The following MDM2 variants were observed in gnomAD, a reference collection of about 807,000 sequenced individuals.
MDM2 encodes MDM2 proto-oncogene, also known as E3 ubiquitin-protein ligase Mdm2.
MDM2 carries 11 observed loss-of-function variants against 64.3 expected under a neutral mutation model. The observed-to-expected ratio is 0.17, with a 90% CI of 0.11 to 0.28. The LOEUF is 0.28. Among genes scored for constraint, MDM2 ranks in the 10% least tolerant of loss-of-function variants. The pLI is 1.00. For synonymous variants in MDM2, 194 were observed against 192.9 expected (o/e 1.01, Z -0.05); for missense variants, 388 against 577.1 (o/e 0.67, Z 3.36).
intron 7 of MDM2, among the ~76,000 whole-genome samples, chr12:68,827,700 A>G (rs527238831): frequency 6.6e-6 from 1 of 152,276 alleles, no homozygotes; most frequent in Admixed American, 6.5e-5. Context: ...CCTGGAATTC[A>G]TTTTTATGTC....
At chr12:68,809,417 G>A in intron 2 of MDM2, 125 bp downstream of exon 2, 1 of 870,350 alleles carries the variant, frequency 1.1e-6, no homozygotes, top group Non-Finnish European at 1.9e-6. Context: ...AGCTTAAAGT[G>A]TGCTACCTCT....
chr12:68,811,246 T>TC (rs1198599543), intron 2 of MDM2, among the ~76,000 whole-genome samples: 7 of 152,240 alleles, frequency 4.6e-5, no homozygotes, highest in Admixed American at 2.6e-4. Context: ...TTAAAATTTT[T>TC]CTTAGTAATT....
At chr12:68,846,844 A>G (rs949659684), downstream of MDM2, 5 of 152,128 alleles carry the variant, frequency 3.3e-5, no homozygotes, top group Non-Finnish European at 5.9e-5. Flanking sequence ...CAATAAATCT[A>G]TAGAGCCTAG....
At chr12:68,810,717 T>C (rs1880809097) in intron 2 of MDM2, among the ~76,000 whole-genome samples, 1 of 152,132 alleles carries the variant, frequency 6.6e-6, no homozygotes, top group African/African-American at 2.4e-5. Flanking sequence ...CGCCTCGGCC[T>C]CCCAAAGTGC....
At position 68,844,789 on chromosome 12, in the gene MDM2, C is replaced by T. The variant is rs771996794; in HGVS notation, c.*4940C>T. The T allele has an allele frequency of 1.0e-5, 2 of 200,656 alleles. No individual in the cohort carries two copies. Among genetic ancestry groups the T allele is most frequent in the Non-Finnish European group, 2.0e-5 (2 of 97,568 alleles). The allele number at this position is 200,656 out of a possible 1,614,324, so 12.4% of individuals were successfully genotyped here. On this transcript the variant is annotated 3_prime_UTR_variant, in exon 11 of 11. Coordinates refer to ENST00000258149, the MANE Select transcript of MDM2 (RefSeq NM_002392.6). ...TTTTATTTTTATTTATTTTTTGAGA[C>T]GGAGTCTTGCTCTGTGGCTCAGGCT... is the stretch of plus-strand genomic sequence containing the variant.
chr12:68,824,308 G>GCCCCGCCGCC, intron 5 of MDM2, 55 bp from the exon 6 acceptor site: 1 of 1,251,588 alleles, frequency 8.0e-7, no homozygotes, highest in Non-Finnish European at 1.2e-6. Context: ...ACTGAGTAGC[G>GCCCCGCCGCC]CCCCGCCGCC....
rs3730622 is a variant in MDM2, at chr12:68,831,786, A to G, written c.684+2855A>G. 2.8e-3 allele frequency among the ~76,000 whole-genome samples: 430 copies of G among 152,142 alleles called. 4 individuals are homozygous for G. The highest frequency in any genetic ancestry group is 0.01 in the African/African-American group (419 of 41,522). On this transcript the variant is annotated intron_variant, in intron 8 of 10. Transcript: ENST00000258149. ...AAAAATCCTATCTATAAAAAATCTC[A>G]GCCGGGCGTGGTGGCTCATGCCTGT...
At position 68,837,274 on chromosome 12, in the gene MDM2, T is replaced by C. The variant is rs185200051; in HGVS notation, c.918+525T>C. The stretch of plus-strand genomic sequence containing the variant: ...GCTGAATTTGTACATTTTGATGTTA[T>C]TTTGGAAAATTTCAGTGTATCTCCA... On this transcript the variant is annotated intron_variant, in intron 10 of 10. Transcript: ENST00000258149. 2.8e-3 allele frequency among the ~76,000 whole-genome samples: 420 copies of C among 152,218 alleles called. 3 individuals carry two copies. The highest frequency in any genetic ancestry group is 9.6e-3 in the African/African-American group (397 of 41,532).
chr12:68,816,358 G>A (rs1389279527), intron 3 of MDM2, among the ~76,000 whole-genome samples: 2 of 126,974 alleles, frequency 1.6e-5, no homozygotes, highest in African/African-American at 5.8e-5. Context: ...AGGCTTAAAA[G>A]TAGCTTTTTT....
intron 5 of MDM2, among the ~76,000 whole-genome samples, chr12:68,822,818 G>T (rs1881977566): frequency 6.6e-6 from 1 of 151,226 alleles, no homozygotes. Context: ...TCGGATCACT[G>T]CAACCTCTGC....
chr12:68,847,237 T>C (rs1884381867), downstream of MDM2: 1 of 138,730 alleles, frequency 7.2e-6, no homozygotes, highest in South Asian at 2.2e-4. Flanking sequence ...AGAGTCCTGC[T>C]ATGTTGCCCA....
At chr12:68,847,629 A>G (rs2136198830), downstream of MDM2, 1 of 149,908 alleles carries the variant, frequency 6.7e-6, no homozygotes, top group East Asian at 2.0e-4. Flanking sequence ...AATTTTTTGT[A>G]TTTTTAGTAG....
chr12:68,816,864 A>T lies in MDM2; in HGVS notation c.227A>T (p.Lys76Met), dbSNP rs759244097. 2 of 1,610,864 alleles carry T rather than the reference A, an allele frequency of 1.2e-6. No homozygotes were observed. Among genetic ancestry groups the T allele is most frequent in the Non-Finnish European group, 1.7e-6 (2 of 1,178,366 alleles). The change falls in exon 4 of 11, where the codon AAG (lysine) becomes ATG (methionine). Residue 76 changes from lysine to methionine, a missense_variant. By Grantham distance (95) the Lys-to-Met change is moderately conservative. Coordinates refer to ENST00000258149, the MANE Select transcript of MDM2 (RefSeq NM_002392.6). ...ATGACTAAACGATTATATGATGAGA[A>T]GCAACAACATATTGTATATTGTTCA... is the stretch of plus-strand genomic sequence containing the variant. ...YIMTKRLYDEKQQHIVYCSND... is the reference protein window; with the variant it reads ...YIMTKRLYDEMQQHIVYCSND...
At chr12:68,820,261 C>T (rs2136128333) in intron 4 of MDM2, 64 bp from the exon 5 acceptor site, 1 of 1,259,050 alleles carries the variant, frequency 7.9e-7, no homozygotes. Context: ...TTAGATCCAG[C>T]TTAATACAAA....
chr12:68,812,376 G>A (rs914566797), intron 2 of MDM2, among the ~76,000 whole-genome samples: 1 of 152,194 alleles, frequency 6.6e-6, no homozygotes, highest in African/African-American at 2.4e-5. Context: ...ACAGAGGACC[G>A]GGGCATATTA....
chr12:68,811,717 G>A (rs190042685), intron 2 of MDM2, among the ~76,000 whole-genome samples: 2 of 148,668 alleles, frequency 1.3e-5, no homozygotes, highest in Admixed American at 6.8e-5. Flanking sequence ...CAATTCTGCC[G>A]CAGCCTCCCG....
intron 3 of MDM2, 72 bp from the exon 4 acceptor site, chr12:68,816,740 G>A: frequency 7.8e-7 from 1 of 1,287,822 alleles, no homozygotes; most frequent in East Asian, 2.5e-5. Flanking sequence ...CAGATAAATA[G>A]GATATTATTA....
chr12:68,809,284 G>C lies in MDM2; in HGVS notation c.91G>C (p.Glu31Gln), dbSNP rs1246173207. Residue 31 changes from glutamate (E) to glutamine (Q), a missense_variant, in exon 2 of 11, where the codon GAG (glutamate) becomes CAG (glutamine). Glu to Gln is a conservative substitution (Grantham distance 29). This residue lies in a region of MDM2 where 46 missense variants were observed against 45.2 expected (regional missense o/e 1.02). Coordinates refer to ENST00000258149, the MANE Select transcript of MDM2 (RefSeq NM_002392.6). ...TTSQIPASEQ[E>Q]TLVRPKPLLL... ...CTCACAGATTCCAGCTTCGGAACAA[G>C]AGACCCTGGTTAGTATTTTTGTCTC... 6.2e-7 allele frequency: 1 copy of C among 1,613,838 alleles called. No individual in the cohort carries two copies. Among genetic ancestry groups the C allele is most frequent in the Admixed American group, 1.7e-5 (1 of 59,994 alleles).
chr12:68,831,807 C>A (rs909472291), intron 8 of MDM2, among the ~76,000 whole-genome samples: 1 of 152,188 alleles, frequency 6.6e-6, no homozygotes, highest in African/African-American at 2.4e-5. Flanking sequence ...GTGGCTCATG[C>A]CTGTAATCCC....
Sources: allele counts gnomAD v4.1 joint callset (sites outside exome capture counted in the v4.1 genomes callset), GRCh38; gene constraint gnomAD v4.1.1; regional missense constraint gnomAD v4.1.1; transcripts MANE v1.5; gene names NCBI Gene and HGNC (gene_info 2026-07-23, HGNC 2026-07-21).